The following PRKG1 variants were observed in gnomAD, a reference collection of about 807,000 sequenced individuals.
PRKG1 encodes protein kinase cGMP-dependent 1.
Under a neutral mutation model 88.1 loss-of-function variants are expected in PRKG1, and 35 were observed. The observed-to-expected ratio is 0.40, with a 90% CI of 0.30 to 0.53. The LOEUF (loss-of-function observed/expected upper bound fraction) is 0.53, where lower values mean the gene tolerates loss of function less well. Among genes scored for constraint, PRKG1 ranks in the 20% least tolerant of loss-of-function variants. The pLI, the probability that PRKG1 is intolerant of heterozygous loss-of-function variation, is 0.59. For synonymous variants in PRKG1, 303 were observed against 292.5 expected, an observed-to-expected ratio of 1.04 and a Z score of -0.37; for missense variants, 540 against 839.8, an observed-to-expected ratio of 0.64 and a Z score of 4.41.
intron 1 of PRKG1, among the ~76,000 whole-genome samples, chr10:51,037,609 C>T (rs1843367692): frequency 6.6e-6 from 1 of 151,820 alleles, no homozygotes; most frequent in Non-Finnish European, 1.5e-5. Flanking sequence ...CATGGTGAAA[C>T]CCCATTTCTA....
chr10:51,881,681 G>T (rs1841441823), intron 4 of PRKG1, among the ~76,000 whole-genome samples: 1 of 152,174 alleles, frequency 6.6e-6, no homozygotes, highest in South Asian at 2.1e-4. Context: ...TTTAGGAGTT[G>T]TGCTAAGCCT....
intron 3 of PRKG1, chr10:51,697,630 C>T (rs1214357831): frequency 1.3e-6 from 2 of 1,506,578 alleles, no homozygotes; most frequent in Non-Finnish European, 1.8e-6. Context: ...CAGAAGTCAG[C>T]TTTTTGCACC....
intron 2 of PRKG1, among the ~76,000 whole-genome samples, chr10:51,317,231 G>A: frequency 7.5e-6 from 1 of 133,306 alleles, no homozygotes; most frequent in Non-Finnish European, 1.5e-5. Flanking sequence ...TATATACATG[G>A]TTTACGTGTT....
intron 1 of PRKG1, among the ~76,000 whole-genome samples, chr10:51,013,053 G>A (rs1014903738): frequency 3.9e-5 from 6 of 152,208 alleles, no homozygotes; most frequent in African/African-American, 7.2e-5. Context: ...ACGGTGGCAC[G>A]CAGTGAGTTT....
intron 4 of PRKG1, among the ~76,000 whole-genome samples, chr10:51,810,910 G>A (rs1839440020): frequency 6.6e-6 from 1 of 152,074 alleles, no homozygotes; most frequent in African/African-American, 2.4e-5. Flanking sequence ...GTCACTGGAT[G>A]GGATCTACAT....
At chr10:51,000,668 CAT>C (rs1290236451) in intron 1 of PRKG1, among the ~76,000 whole-genome samples, 5 of 152,046 alleles carry the variant, frequency 3.3e-5, no homozygotes, top group African/African-American at 1.2e-4. Context: ...TGGGAGAAAA[CAT>C]ACAACAATCA....
chr10:52,133,977 A>G (rs1344124569), intron 8 of PRKG1, 72 bp downstream of exon 8: 4 of 1,179,244 alleles, frequency 3.4e-6, no homozygotes, highest in East Asian at 4.8e-5. Context: ...GGAATTAGAC[A>G]TCATTTTATG....
At chr10:52,077,526 G>T (rs1846660852) in intron 7 of PRKG1, among the ~76,000 whole-genome samples, 2 of 152,220 alleles carry the variant, frequency 1.3e-5, no homozygotes, top group South Asian at 4.1e-4. Flanking sequence ...ATTGATCATG[G>T]TGACAGTAAT....
chr10:51,455,326 T>C (rs1174705882), intron 2 of PRKG1, among the ~76,000 whole-genome samples: 1 of 152,232 alleles, frequency 6.6e-6, no homozygotes, highest in African/African-American at 2.4e-5. Flanking sequence ...ACCTCAAAGG[T>C]CTCTGACATG....
intron 2 of PRKG1, among the ~76,000 whole-genome samples, chr10:51,306,997 A>T (rs908524782): frequency 6.6e-6 from 1 of 152,130 alleles, no homozygotes; most frequent in Non-Finnish European, 1.5e-5. Flanking sequence ...ACATTTCAGA[A>T]GTGTGAAAAT....
chr10:51,175,866 A>T (rs1384337714), intron 2 of PRKG1, among the ~76,000 whole-genome samples: 1 of 152,136 alleles, frequency 6.6e-6, no homozygotes, highest in East Asian at 1.9e-4. Flanking sequence ...TGAATGATTA[A>T]TTGCATAATT....
intron 5 of PRKG1, among the ~76,000 whole-genome samples, chr10:52,043,523 A>G (rs575315822): frequency 6.6e-6 from 1 of 152,206 alleles, no homozygotes; most frequent in East Asian, 1.9e-4. Context: ...TTTCATAAAA[A>G]CAGAGAGTAG....
intron 2 of PRKG1, among the ~76,000 whole-genome samples, chr10:51,230,354 G>A (rs1436307334): frequency 6.6e-6 from 1 of 152,152 alleles, no homozygotes; most frequent in Non-Finnish European, 1.5e-5. Flanking sequence ...TTTGATGAGT[G>A]ATTCATATAT....
chr10:51,200,624 A>G (rs1837889248), intron 2 of PRKG1, among the ~76,000 whole-genome samples: 1 of 152,240 alleles, frequency 6.6e-6, no homozygotes, highest in Non-Finnish European at 1.5e-5. Flanking sequence ...AAGGATTCAT[A>G]CATTGTTGGC....
At chr10:51,190,645 C>T (rs1381851546) in intron 2 of PRKG1, among the ~76,000 whole-genome samples, 2 of 151,718 alleles carry the variant, frequency 1.3e-5, no homozygotes, top group African/African-American at 4.8e-5. Flanking sequence ...TGCTCTCTTT[C>T]CTTTGTTCTT....
At chr10:51,517,028 A>G (rs1199072655) in intron 3 of PRKG1, among the ~76,000 whole-genome samples, 1 of 152,362 alleles carries the variant, frequency 6.6e-6, no homozygotes, top group East Asian at 1.9e-4. Flanking sequence ...GTGGAAAAAA[A>G]TACTGTTTTT....
chr10:51,456,778 G>A (rs1839597897), intron 2 of PRKG1, among the ~76,000 whole-genome samples: 1 of 152,014 alleles, frequency 6.6e-6, no homozygotes, highest in Admixed American at 6.6e-5. Flanking sequence ...GTGAGCTAAG[G>A]ACATGAATAA....
intron 1 of PRKG1, among the ~76,000 whole-genome samples, chr10:51,032,983 C>T (rs1051349521): frequency 2.6e-5 from 4 of 152,022 alleles, no homozygotes; most frequent in African/African-American, 9.7e-5. Flanking sequence ...TCTATGCCGA[C>T]GTATCTTATT....
intron 4 of PRKG1, among the ~76,000 whole-genome samples, chr10:51,872,659 T>A (rs767247634): frequency 6.6e-6 from 1 of 152,196 alleles, no homozygotes; most frequent in Non-Finnish European, 1.5e-5. Context: ...ACGTGCTTAC[T>A]GGTAAATCCT....
Sources: allele counts gnomAD v4.1 joint callset (sites outside exome capture counted in the v4.1 genomes callset), GRCh38; gene constraint gnomAD v4.1.1; transcripts MANE v1.5; gene names NCBI Gene and HGNC (gene_info 2026-07-23, HGNC 2026-07-21).